Variants in CECR2 observed in about 807,000 individuals in gnomAD.
CECR2 encodes chromatin remodeling regulator CECR2.
Under a neutral mutation model 154.5 loss-of-function variants are expected in CECR2, and 30 were observed. The ratio of observed to expected loss-of-function variants is 0.19; its 90% CI spans 0.15 to 0.26. The LOEUF (loss-of-function observed/expected upper bound fraction) is 0.26. CECR2 is among the 10% of genes least tolerant of loss of function. The pLI, the probability that CECR2 is intolerant of heterozygous loss-of-function variation, is 1.00. For synonymous variants in CECR2, 725 were observed against 683.7 expected (o/e 1.06, Z -0.94); for missense variants, 1,743 against 1,829.3 (o/e 0.95, Z 0.86).
intron 1 of CECR2, among the ~76,000 whole-genome samples, chr22:17,383,788 C>T (rs2063228352): frequency 6.6e-6 from 1 of 151,738 alleles, no homozygotes; most frequent in Non-Finnish European, 1.5e-5. Flanking sequence ...CCTCAGCCTC[C>T]CGAGTAGCTG....
chr22:17,512,572 G>A (rs958100691), intron 8 of CECR2, among the ~76,000 whole-genome samples: 13 of 151,562 alleles, frequency 8.6e-5, no homozygotes, highest in East Asian at 1.9e-4. Context: ...GTGTGGTGGC[G>A]GGCACCTGTA....
chr22:17,554,523 C>G lies in CECR2; in HGVS notation c.*1683C>G, dbSNP rs551714986. 3.9e-5 allele frequency: 6 copies of G among 152,278 alleles called. No individual in the cohort carries two copies. The East Asian group carries it at 1.2e-3, about 29-fold the overall frequency. The allele number at this position is 152,278 out of a possible 1,614,324, so 9.4% of individuals were successfully genotyped here. On this transcript the variant is annotated 3_prime_UTR_variant, in exon 19 of 19. Transcript: ENST00000262608. ...ATCCATGATACAGAGAAATGAAAGC[C>G]AAGACACCAGTTCCAGGATGATGGA...
chr22:17,461,792 CTTTTTTTT>C (rs145094879), intron 1 of CECR2, among the ~76,000 whole-genome samples: 2,547 of 137,196 alleles, frequency 0.019, 68 homozygotes, highest in African/African-American at 0.063. Flanking sequence ...GTACCCGTTA[CTTTTTTTT>C]TTTTTTTTTT....
upstream of CECR2, among the ~76,000 whole-genome samples, chr22:17,366,805 G>A (rs1310300264): frequency 6.6e-6 from 1 of 152,140 alleles, no homozygotes; most frequent in Non-Finnish European, 1.5e-5. Flanking sequence ...CCAAACTCGG[G>A]GAACTCAAGA....
chr22:17,450,380 C>T (rs2054749669), intron 1 of CECR2, among the ~76,000 whole-genome samples: 1 of 152,188 alleles, frequency 6.6e-6, no homozygotes, highest in Non-Finnish European at 1.5e-5. Flanking sequence ...AAGCGATTCT[C>T]CTGCCTCAGC....
At chr22:17,543,188 A>C (rs1009116021) in intron 16 of CECR2, among the ~76,000 whole-genome samples, 185 bp downstream of exon 16, 1 of 151,980 alleles carries the variant, frequency 6.6e-6, no homozygotes, top group Non-Finnish European at 1.5e-5. Flanking sequence ...GCTGGAGTGC[A>C]GTGGTGTGAT....
In CECR2 at chr22:17,548,233, A is replaced by T; in HGVS notation, c.2946A>T (p.Thr982=). 6.3e-7 allele frequency: 1 copy of T among 1,593,450 alleles called. No individual in the cohort carries two copies. Among genetic ancestry groups the T allele is most frequent in the Non-Finnish European group, 8.5e-7 (1 of 1,170,988 alleles). Residue 982 remains threonine (T), a synonymous_variant, in exon 17 of 19, where the codon ACA becomes ACT. Coordinates refer to ENST00000262608, the MANE Select transcript of CECR2 (RefSeq NM_001290047.2). ...GVYLTQLPHP[T]PPLQTDCTRQ... is the part of the protein sequence containing the mutation. The stretch of plus-strand genomic sequence containing the variant: ...ACCTCACACAACTACCTCACCCCAC[A>T]CCTCCCCTGCAGACTGACTGCACCA...
intron 1 of CECR2, among the ~76,000 whole-genome samples, chr22:17,386,699 C>G (rs79230451): frequency 4.6e-5 from 7 of 150,556 alleles, no homozygotes; most frequent in African/African-American, 7.3e-5. Flanking sequence ...TGTCCAGGCT[C>G]GAGTGCAATG....
chr22:17,424,602 C>T lies in CECR2; in HGVS notation c.127-52986C>T, dbSNP rs192192039. ...TGGATCTCTCCTCACACTTCCAGGC[C>T]CACACTCATGGCTGTTCATGATCAC... On this transcript the variant is annotated intron_variant, in intron 1 of 18. Coordinates refer to ENST00000262608, the MANE Select transcript of CECR2 (RefSeq NM_001290047.2). 1.1e-3 allele frequency: 175 copies of T among 160,506 alleles called. 1 individual carries two copies. In the South Asian group the frequency reaches 0.012, roughly 11 times the overall value. 9.9% of individuals were successfully genotyped at this position (160,506 alleles called of 1,614,324 possible).
rs796393486 is a variant in CECR2 at position 17,453,249 on chromosome 22, C to T, written c.127-24339C>T. Among the ~76,000 whole-genome samples the T allele has an allele frequency of 1.6e-4, 24 of 152,254 alleles. 1 individual carries two copies. Among genetic ancestry groups the T allele is most frequent in the African/African-American group, 5.1e-4 (21 of 41,550 alleles). On this transcript the variant is annotated intron_variant, in intron 1 of 18. Coordinates refer to ENST00000262608, the MANE Select transcript of CECR2 (RefSeq NM_001290047.2). ...CTGAGGTCGGGAGTTCAAAACCAGCCTGACCAACATGGAGAAACCCCGTCT... is the reference window on the plus strand; with the variant it reads ...CTGAGGTCGGGAGTTCAAAACCAGCTTGACCAACATGGAGAAACCCCGTCT...
At chr22:17,382,993 C>T (rs1286999386) in intron 1 of CECR2, among the ~76,000 whole-genome samples, 8 of 151,944 alleles carry the variant, frequency 5.3e-5, no homozygotes, top group East Asian at 1.9e-4. Flanking sequence ...TTTGGGAGGC[C>T]GAGGCGGGTG....
chr22:17,376,945 A>G (rs918039941), intron 1 of CECR2, among the ~76,000 whole-genome samples: 2 of 151,944 alleles, frequency 1.3e-5, no homozygotes, highest in African/African-American at 4.8e-5. Flanking sequence ...CCCTAAACAC[A>G]TTTTCAAAAG....
chr22:17,526,808 C>CAAA (rs34800488), intron 9 of CECR2, among the ~76,000 whole-genome samples: 103 of 71,376 alleles, frequency 1.4e-3, no homozygotes, highest in East Asian at 5.0e-3. Context: ...GACTCCATCT[C>CAAA]AAAAAAAAAA....
intron 1 of CECR2, among the ~76,000 whole-genome samples, chr22:17,446,227 C>G (rs534130730): frequency 1.4e-4 from 21 of 152,266 alleles, no homozygotes; most frequent in African/African-American, 4.3e-4. Flanking sequence ...TTAAAAATCC[C>G]AAGTCAGGTG....
At chr22:17,506,817 C>G (rs1461544619) in intron 7 of CECR2, among the ~76,000 whole-genome samples, 3 of 152,084 alleles carry the variant, frequency 2.0e-5, no homozygotes, top group East Asian at 1.9e-4. Flanking sequence ...CCATGCCTGG[C>G]TAATGTTTTT....
chr22:17,448,198 A>G (rs1447482931), intron 1 of CECR2, among the ~76,000 whole-genome samples: 2 of 152,198 alleles, frequency 1.3e-5, no homozygotes, highest in Non-Finnish European at 2.9e-5. Flanking sequence ...CTCAAACGAG[A>G]AGGATGTGAG....
chr22:17,492,471 G>A (rs1255167454), intron 2 of CECR2, among the ~76,000 whole-genome samples: 1 of 152,166 alleles, frequency 6.6e-6, no homozygotes, highest in East Asian at 1.9e-4. Flanking sequence ...AGCATGTTCT[G>A]TCTGGAGCAA....
chr22:17,456,599 CA>C (rs2054857956), intron 1 of CECR2, among the ~76,000 whole-genome samples: 1 of 152,160 alleles, frequency 6.6e-6, no homozygotes, highest in Non-Finnish European at 1.5e-5. Flanking sequence ...TTGTACATCA[CA>C]AAGTATAATT....
At position 17,438,635 on chromosome 22, in the gene CECR2, AT is replaced by A. The variant is rs546486753; in HGVS notation, c.127-38945del. Among the ~76,000 whole-genome samples, 379 of 151,214 alleles carry A rather than the reference AT, an allele frequency of 2.5e-3. 2 individuals carry two copies. The highest frequency in any genetic ancestry group is 6.8e-3 in the Middle Eastern group (2 of 294). ...CATTATGAGATTTTTTTTTTTTGCA[AT>A]TTTTTTTAAAGCTCATCAGGTATCA... On this transcript the variant is annotated intron_variant, in intron 1 of 18. Transcript: ENST00000262608.
Sources: allele counts gnomAD v4.1 joint callset (sites outside exome capture counted in the v4.1 genomes callset), GRCh38; gene constraint gnomAD v4.1.1; transcripts MANE v1.5; gene names NCBI Gene and HGNC (gene_info 2026-07-23, HGNC 2026-07-21).